MCMDC2: variants seen among roughly 807,000 people sequenced by gnomAD.
MCMDC2 encodes minichromosome maintenance domain-containing protein 2.
Under a neutral mutation model 75.8 loss-of-function variants are expected in MCMDC2, and 54 were observed. The ratio of observed to expected loss-of-function variants is 0.71; its 90% CI spans 0.57 to 0.89. The LOEUF is 0.89. Among genes scored for constraint, MCMDC2 ranks in the 40% least tolerant of loss-of-function variants. MCMDC2 has a pLI of 0.00. For missense variants in MCMDC2, 656 were observed against 780.4 expected (o/e 0.84, Z 1.90); for synonymous variants, 249 against 274.6 (o/e 0.91, Z 0.92).
At chr8:66,905,360 C>A in intron 14 of MCMDC2, 25 bp downstream of exon 14, 2 of 1,428,920 alleles carry the variant, frequency 1.4e-6, no homozygotes, top group South Asian at 1.7e-5. Flanking sequence ...TATTAATGAT[C>A]ACTACAAATA....
At chr8:66,896,041 G>T (rs1041106847) in intron 10 of MCMDC2, 129 bp from the exon 11 acceptor site, 2 of 771,694 alleles carry the variant, frequency 2.6e-6, no homozygotes, top group Admixed American at 3.7e-5. Flanking sequence ...TTGCAAAACA[G>T]TCAAATTTAC....
intron 14 of MCMDC2, among the ~76,000 whole-genome samples, chr8:66,906,965 TCCA>T (rs1035558771): frequency 2.0e-5 from 3 of 151,926 alleles, no homozygotes; most frequent in Non-Finnish European, 4.4e-5. Flanking sequence ...ATGGGGTTTC[TCCA>T]TGTTGGTCAG....
chr8:66,896,408 A>C lies in MCMDC2; in HGVS notation c.1446+72A>C, dbSNP rs1021429907. 2.2e-6 allele frequency: 3 copies of C among 1,377,330 alleles called. No homozygotes were observed. The African/African-American group carries it at 4.4e-5, about 20-fold the overall frequency. The allele number at this position is 1,377,330 out of a possible 1,614,324, so 85.3% of individuals were successfully genotyped here. On this transcript the variant is annotated intron_variant, in intron 11 of 14. Transcript: ENST00000422365. ...AAGTCATAAATTTTAATACATCTTA[A>C]TATTTTTGTTATTAACCTGTTTCTA... is the stretch of plus-strand genomic sequence containing the variant.
intron 13 of MCMDC2, among the ~76,000 whole-genome samples, chr8:66,902,741 T>TATATATATAC (rs1290006413): frequency 3.8e-5 from 5 of 133,098 alleles, no homozygotes; most frequent in South Asian, 2.4e-4. Flanking sequence ...TATATATATA[T>TATATATATAC]ACATATATCT....
intron 9 of MCMDC2, among the ~76,000 whole-genome samples, chr8:66,885,320 G>A (rs1218884699): frequency 6.7e-6 from 1 of 149,316 alleles, no homozygotes; most frequent in Non-Finnish European, 1.5e-5. Flanking sequence ...GCGACAGAGC[G>A]AGACTCTGTC....
Position 66,919,459 on chromosome 8 carries a change from A to G in MCMDC2, c.*290A>G, listed in dbSNP as rs909079374. 2.9e-5 allele frequency: 6 copies of G among 206,910 alleles called. No homozygotes were observed. 12.8% of individuals were successfully genotyped at this position (206,910 alleles called of 1,614,324 possible). A position where few individuals can be genotyped will look rare whatever the true frequency, so the allele number is the denominator to read the frequency against. ...TAAAGAAAAACCTGGTTAGCCCAGAATACCAGTGGTGAACAGATAAAAATG... is the reference window on the plus strand; with the variant it reads ...TAAAGAAAAACCTGGTTAGCCCAGAGTACCAGTGGTGAACAGATAAAAATG... On this transcript the variant is annotated 3_prime_UTR_variant, in exon 15 of 15. Transcript: ENST00000422365.
intron 13 of MCMDC2, among the ~76,000 whole-genome samples, chr8:66,902,824 G>T (rs1393203373): frequency 1.4e-5 from 2 of 147,882 alleles, no homozygotes; most frequent in African/African-American, 5.0e-5. Flanking sequence ...AGAACATTAT[G>T]AGAAAATAGA....
chr8:66,881,959 A>C (rs1045583396), intron 8 of MCMDC2, among the ~76,000 whole-genome samples: 1 of 152,226 alleles, frequency 6.6e-6, no homozygotes, highest in African/African-American at 2.4e-5. Context: ...AATGGGCTAT[A>C]TATATTCAAA....
intron 12 of MCMDC2, 122 bp downstream of exon 12, chr8:66,897,081 C>A (rs1453521190): frequency 5.3e-6 from 5 of 942,902 alleles, no homozygotes; most frequent in Non-Finnish European, 1.5e-6. Flanking sequence ...TTGGTTCCAG[C>A]TTTTAAACAT....
At position 66,905,227 on chromosome 8, in the gene MCMDC2, G is replaced by T; in HGVS notation, c.1771G>T (p.Val591Phe). The stretch of plus-strand genomic sequence containing the variant: ...TTTGGCAACTATTTTCTTTTTTAGC[G>T]TTTTCCTATCTGAAGCCCATGCACG... ...KLSASALKYL[V>F]FLSEAHARLN... The change falls in exon 14 of 15, where the codon GTT (valine) becomes TTT (phenylalanine). Residue 591 changes from valine to phenylalanine, a missense_variant and splice_region_variant. Coordinates refer to ENST00000422365, the MANE Select transcript of MCMDC2 (RefSeq NM_173518.5). The T allele has an allele frequency of 7.0e-7, 1 of 1,418,450 alleles. No homozygotes were observed. Among genetic ancestry groups the T allele is most frequent in the South Asian group, 1.8e-5 (1 of 56,534 alleles). 87.9% of individuals were successfully genotyped at this position (1,418,450 alleles called of 1,614,324 possible).
At chr8:66,886,774 CA>C (rs762641173) in intron 9 of MCMDC2, among the ~76,000 whole-genome samples, 6,159 of 105,114 alleles carry the variant, frequency 0.059, 138 homozygotes, top group Non-Finnish European at 0.08. Flanking sequence ...GACTCAGTCT[CA>C]AAAAAAAAAA....
At chr8:66,873,507 T>G (rs778111932) in intron 1 of MCMDC2, among the ~76,000 whole-genome samples, 2 of 152,168 alleles carry the variant, frequency 1.3e-5, no homozygotes, top group African/African-American at 4.8e-5. Flanking sequence ...CAACAAACAT[T>G]TTTGGGAGTA....
intron 12 of MCMDC2, among the ~76,000 whole-genome samples, chr8:66,897,233 C>G (rs1324158819): frequency 6.6e-6 from 1 of 151,682 alleles, no homozygotes; most frequent in Admixed American, 6.6e-5. Flanking sequence ...ACAGTGAAAC[C>G]CCGTCTCTAC....
rs1812862183 is a variant in MCMDC2 at position 66,905,317 on chromosome 8, T to A, written c.1861T>A (p.Ser621Thr). The change falls in exon 14 of 15, where the codon TCC (serine) becomes ACC (threonine). Residue 621 changes from serine (S) to threonine (T), a missense_variant. Ser to Thr is a moderately conservative substitution (Grantham distance 58). Coordinates refer to ENST00000422365, the MANE Select transcript of MCMDC2 (RefSeq NM_173518.5). Reference protein sequence around the residue: ...VLIAALLFETSLTLKYGATVF... With the variant: ...VLIAALLFETTLTLKYGATVF... ...GATTGCAGCCTTACTATTTGAAACA[T>A]CCCTCACATTGAAATATGGTAATGA... 6.8e-7 allele frequency: 1 copy of A among 1,478,444 alleles called. No homozygotes were observed. Among genetic ancestry groups the A allele is most frequent in the Admixed American group, 2.3e-5 (1 of 44,042 alleles). 91.6% of individuals were successfully genotyped at this position (1,478,444 alleles called of 1,614,324 possible).
At chr8:66,922,409 T>C (rs2130882336), downstream of MCMDC2, 1 of 477,374 alleles carries the variant, frequency 2.1e-6, no homozygotes. Flanking sequence ...ACAAAGAATA[T>C]TCACCCTTAA....
intron 8 of MCMDC2, among the ~76,000 whole-genome samples, chr8:66,882,182 T>C (rs1811610318): frequency 6.6e-6 from 1 of 152,060 alleles, no homozygotes; most frequent in African/African-American, 2.4e-5. Context: ...GGAATTGATA[T>C]AAGGACAGGA....
intron 9 of MCMDC2, among the ~76,000 whole-genome samples, chr8:66,890,051 C>T (rs76945349): frequency 8.5e-4 from 130 of 152,288 alleles, no homozygotes; most frequent in Admixed American, 4.8e-3. Context: ...AGAAATAATA[C>T]ACCCATGGAT....
intron 8 of MCMDC2, among the ~76,000 whole-genome samples, chr8:66,883,120 G>A (rs750676727): frequency 1.2e-4 from 19 of 152,326 alleles, no homozygotes; most frequent in African/African-American, 4.6e-4. Flanking sequence ...TTACCAATTG[G>A]ATAAATCACT....
intron 14 of MCMDC2, among the ~76,000 whole-genome samples, chr8:66,910,210 C>G (rs937902467): frequency 2.6e-5 from 4 of 152,214 alleles, no homozygotes; most frequent in African/African-American, 9.6e-5. Context: ...TCTGCTAGGG[C>G]AGTGAGGAAG....
Sources: allele counts gnomAD v4.1 joint callset (sites outside exome capture counted in the v4.1 genomes callset), GRCh38; gene constraint gnomAD v4.1.1; transcripts MANE v1.5; gene names NCBI Gene and HGNC (gene_info 2026-07-23, HGNC 2026-07-21).